Variants in LONP2 observed in about 807,000 individuals in gnomAD.
The protein encoded by LONP2 is lon protease homolog 2, peroxisomal.
Under a neutral mutation model 85.6 loss-of-function variants are expected in LONP2, and 60 were observed. That is an observed-to-expected ratio of 0.70 (90% CI 0.57 to 0.87). LONP2 has a LOEUF of 0.87. Ranked by LOEUF, LONP2 falls within the 40% of genes least tolerant of loss-of-function variation. The probability of loss-of-function intolerance (pLI) is 0.00; values close to 1 mark genes in which losing one functional copy is unlikely to be tolerated. For missense variants in LONP2, 860 were observed against 1,063.5 expected, an observed-to-expected ratio of 0.81 and a Z score of 2.66; for synonymous variants, 395 against 389.7, an observed-to-expected ratio of 1.01 and a Z score of -0.16.
rs566140557 is a variant in LONP2 at position 48,280,889 on chromosome 16, G to C, written c.1383+3410G>C. The stretch of plus-strand genomic sequence containing the variant: ...TACAGATGTTAATTTAATATCCACT[G>C]ATATTTCTTCTGTGTCCATTTTGAA... On this transcript the variant is annotated intron_variant, in intron 8 of 14. Transcript: ENST00000285737. Among the ~76,000 whole-genome samples the C allele has an allele frequency of 7.2e-5, 11 of 152,234 alleles. 1 individual carries two copies. The South Asian group carries it at 2.3e-3, about 32-fold the overall frequency.
At chr16:48,256,808 G>C in intron 3 of LONP2, 67 bp downstream of exon 3, 1 of 1,477,844 alleles carries the variant, frequency 6.8e-7, no homozygotes, top group Non-Finnish European at 9.2e-7. Context: ...ATAGTGAGTA[G>C]TTAAGTTTTG....
chr16:48,357,835 T>C (rs547714880), downstream of LONP2, among the ~76,000 whole-genome samples: 61 of 152,306 alleles, frequency 4.0e-4, no homozygotes, highest in African/African-American at 1.4e-3. Context: ...CTTAAAATCA[T>C]ACATATTACA....
chr16:48,357,401 T>G (rs1960415393), downstream of LONP2: 1 of 152,208 alleles, frequency 6.6e-6, no homozygotes, highest in African/African-American at 2.4e-5. Context: ...CCTTTGTGCT[T>G]TGAACATGCA....
chr16:48,292,338 A>G (rs1457431540), intron 8 of LONP2, among the ~76,000 whole-genome samples: 2 of 152,124 alleles, frequency 1.3e-5, no homozygotes, highest in African/African-American at 4.8e-5. Context: ...GGAATTTCTC[A>G]GTGGGGGGAT....
intron 1 of LONP2, among the ~76,000 whole-genome samples, chr16:48,245,760 A>T (rs941925513): frequency 6.6e-6 from 1 of 152,120 alleles, no homozygotes; most frequent in Non-Finnish European, 1.5e-5. Context: ...AAATGTTAAG[A>T]TTTCTGCTGT....
In LONP2 at chr16:48,356,643, TAAAA is replaced by T. The variant is rs879341303; in HGVS notation, c.*4844_*4847del. On this transcript the variant is annotated 3_prime_UTR_variant, in exon 15 of 15. Coordinates refer to ENST00000285737, the MANE Select transcript of LONP2 (RefSeq NM_031490.5). ...TGGATACCACAATGAAAACTGCACT[TAAAA>T]AACAAAAATGCTGAAAGAGGAAGGA... 1 of 356,348 alleles carries T rather than the reference TAAAA, an allele frequency of 2.8e-6. No individual in the cohort carries two copies. The highest frequency in any genetic ancestry group is 5.7e-6 in the Non-Finnish European group (1 of 176,960). The allele number at this position is 356,348 out of a possible 1,614,324, so 22.1% of individuals were successfully genotyped here.
intron 2 of LONP2, among the ~76,000 whole-genome samples, chr16:48,253,139 G>A (rs1971689099): frequency 6.6e-6 from 1 of 152,128 alleles, no homozygotes; most frequent in South Asian, 2.1e-4. Flanking sequence ...CATTTGAAGA[G>A]CCATACTTAC....
intron 3 of LONP2, 65 bp downstream of exon 3, chr16:48,256,806 T>G: frequency 6.7e-7 from 1 of 1,488,932 alleles, no homozygotes; most frequent in Non-Finnish European, 9.1e-7. Flanking sequence ...AGATAGTGAG[T>G]AGTTAAGTTT....
At chr16:48,344,154 A>C (rs1182588745) in intron 12 of LONP2, 2 of 152,246 alleles carry the variant, frequency 1.3e-5, no homozygotes, top group Non-Finnish European at 2.9e-5. Context: ...CAAGAGCAAG[A>C]AAGCAGCATG....
chr16:48,300,472 C>G (rs938366807), intron 10 of LONP2, among the ~76,000 whole-genome samples: 4 of 152,252 alleles, frequency 2.6e-5, no homozygotes, highest in Admixed American at 2.0e-4. Flanking sequence ...CAGCCTCTTA[C>G]AGTTTTCCTA....
At chr16:48,258,320 C>G (rs917978072) in intron 3 of LONP2, among the ~76,000 whole-genome samples, 2 of 150,236 alleles carry the variant, frequency 1.3e-5, no homozygotes, top group Admixed American at 6.6e-5. Flanking sequence ...GCACTCCAAC[C>G]TGGGGACAGA....
chr16:48,362,645 C>T lies in LONP2; in HGVS notation c.*782C>T. ...CTGTACACTGGATAAGCTCTCTTTT[C>T]AAAATGTTCCGGAAAACATGTGGAA... On this transcript the variant is annotated 3_prime_UTR_variant, in exon 5 of 5. Coordinates refer to the LONP2 transcript ENST00000565867. This position sits in a 1 kb window ranked among gnomAD's most constrained non-coding sequence, Gnocchi z 4.2. 1 of 518,812 alleles carries T rather than the reference C, an allele frequency of 1.9e-6. No homozygotes were observed. Among genetic ancestry groups the T allele is most frequent in the Non-Finnish European group, 3.5e-6 (1 of 286,318 alleles). 32.1% of individuals were successfully genotyped at this position (518,812 alleles called of 1,614,324 possible).
At chr16:48,345,339 A>G (rs765605446) in intron 12 of LONP2, 19 of 152,286 alleles carry the variant, frequency 1.2e-4, no homozygotes, top group Non-Finnish European at 2.5e-4. Flanking sequence ...TATTCTTGGT[A>G]GAGTTAACAA....
intron 7 of LONP2, among the ~76,000 whole-genome samples, chr16:48,274,924 G>T (rs569004928): frequency 6.6e-6 from 1 of 152,044 alleles, no homozygotes; most frequent in Admixed American, 6.6e-5. Context: ...TGCGGGAGCC[G>T]AGCCCTTTAA....
At chr16:48,338,939 T>G (rs1375627275) in intron 12 of LONP2, among the ~76,000 whole-genome samples, 2 of 152,094 alleles carry the variant, frequency 1.3e-5, no homozygotes, top group African/African-American at 4.8e-5. Flanking sequence ...GAAATATCTG[T>G]GAGGCATAGA....
At chr16:48,297,837 C>T (rs1008781832) in intron 9 of LONP2, among the ~76,000 whole-genome samples, 27 of 152,050 alleles carry the variant, frequency 1.8e-4, no homozygotes, top group African/African-American at 5.8e-4. Flanking sequence ...GTAGCTGGGA[C>T]TACAGGCGTG....
intron 7 of LONP2, among the ~76,000 whole-genome samples, chr16:48,272,735 C>T (rs9936494): frequency 2.6e-3 from 390 of 152,208 alleles, no homozygotes; most frequent in African/African-American, 8.9e-3. Flanking sequence ...CATCAGTGTA[C>T]CAGATGTTTG....
intron 12 of LONP2, among the ~76,000 whole-genome samples, chr16:48,346,248 G>GTT (rs2151032355): frequency 6.6e-6 from 1 of 152,242 alleles, no homozygotes; most frequent in African/African-American, 2.4e-5. Flanking sequence ...AAAATCTCCT[G>GTT]TTTGGATTAG....
Position 48,254,499 on chromosome 16 carries a change from C to T in LONP2, c.469-2111C>T, listed in dbSNP as rs546009421. On this transcript the variant is annotated intron_variant, in intron 2 of 14. Transcript: ENST00000285737. ...CTGCTTCAGCCTCCCAAGTAGCTGGCATTACAGGCATGCGCCACCACGCCC... is the reference window on the plus strand; with the variant it reads ...CTGCTTCAGCCTCCCAAGTAGCTGGTATTACAGGCATGCGCCACCACGCCC... Among the ~76,000 whole-genome samples the T allele has an allele frequency of 4.3e-4, 66 of 151,910 alleles. No homozygotes were observed. The South Asian group carries it at 0.013, about 30-fold the overall frequency.
Sources: allele counts gnomAD v4.1 joint callset (sites outside exome capture counted in the v4.1 genomes callset), GRCh38; gene constraint gnomAD v4.1.1; non-coding constraint Gnocchi (gnomAD v3.1); transcripts MANE v1.5; gene names NCBI Gene and HGNC (gene_info 2026-07-23, HGNC 2026-07-21).